Variants in DOCK1 observed in about 807,000 individuals in gnomAD.
DOCK1 encodes the protein dedicator of cytokinesis protein 1.
In DOCK1, 138 loss-of-function variants were observed where a neutral mutation model predicts 262.7. The observed-to-expected ratio is 0.53, with a 90% CI of 0.46 to 0.61. The LOEUF is 0.61. Among genes scored for constraint, DOCK1 ranks in the 20% least tolerant of loss-of-function variants. The probability of loss-of-function intolerance (pLI) is 0.00; values close to 1 mark genes in which losing one functional copy is unlikely to be tolerated. For synonymous variants in DOCK1, 866 were observed against 867.4 expected, an observed-to-expected ratio of 1.00 and a Z score of 0.03; for missense variants, 1,908 against 2,370.7, an observed-to-expected ratio of 0.80 and a Z score of 4.05.
At chr10:127,419,855 C>A in intron 46 of DOCK1, 106 bp downstream of exon 46, 1 of 1,191,152 alleles carries the variant, frequency 8.4e-7, no homozygotes, top group South Asian at 1.4e-5. Context: ...GGCTGCAGTC[C>A]TGATGCACGT....
At chr10:127,204,880 T>A (rs888939773) in intron 27 of DOCK1, among the ~76,000 whole-genome samples, 1 of 152,116 alleles carries the variant, frequency 6.6e-6, no homozygotes, top group Non-Finnish European at 1.5e-5. Flanking sequence ...GCACATGACT[T>A]GCTATCCTAT....
At chr10:127,310,032 C>T (rs1187003647) in intron 29 of DOCK1, among the ~76,000 whole-genome samples, 1 of 152,124 alleles carries the variant, frequency 6.6e-6, no homozygotes, top group Non-Finnish European at 1.5e-5. Context: ...CGTGCCACCA[C>T]ACCCAGCAAT....
chr10:127,397,078 C>A (rs113122776), intron 38 of DOCK1, among the ~76,000 whole-genome samples: 1 of 97,862 alleles, frequency 1.0e-5, no homozygotes, highest in East Asian at 2.6e-4. Flanking sequence ...ACACGGGCAG[C>A]GACTCCTATG....
intron 10 of DOCK1, among the ~76,000 whole-genome samples, chr10:127,005,333 GAAAAA>G (rs150192399): frequency 6.9e-6 from 1 of 144,962 alleles, no homozygotes; most frequent in Non-Finnish European, 1.5e-5. Context: ...CACTCAAAAA[GAAAAA>G]AAAAAGGGAT....
chr10:127,283,279 G>C (rs561190698), intron 29 of DOCK1, among the ~76,000 whole-genome samples: 2 of 152,356 alleles, frequency 1.3e-5, no homozygotes, highest in Non-Finnish European at 2.9e-5. Context: ...GGAAGTAGCA[G>C]GTCAGAAATG....
chr10:126,920,605 C>G (rs1407949452), intron 1 of DOCK1, among the ~76,000 whole-genome samples: 5 of 152,164 alleles, frequency 3.3e-5, no homozygotes, highest in African/African-American at 1.2e-4. Flanking sequence ...CATTAAACAG[C>G]TAAAAGGAAT....
chr10:127,351,290 C>T (rs2063868189), intron 31 of DOCK1, among the ~76,000 whole-genome samples: 1 of 152,152 alleles, frequency 6.6e-6, no homozygotes, highest in Non-Finnish European at 1.5e-5. Context: ...CACGGTGACC[C>T]CAGCTCTAGG....
chr10:127,317,362 C>T (rs1037431152), intron 29 of DOCK1, among the ~76,000 whole-genome samples: 1 of 152,146 alleles, frequency 6.6e-6, no homozygotes, highest in African/African-American at 2.4e-5. Flanking sequence ...TATGGCATAA[C>T]ACAGAATTCT....
At position 127,089,531 on chromosome 10, in the gene DOCK1, C is replaced by T. The variant is rs528686949; in HGVS notation, c.2446-16700C>T. Among the ~76,000 whole-genome samples, 17 of 152,302 alleles carry T rather than the reference C, an allele frequency of 1.1e-4. No homozygotes were observed. In the South Asian group the frequency reaches 1.2e-3, roughly 11 times the overall value. On this transcript the variant is annotated intron_variant, in intron 23 of 51. Transcript: ENST00000623213. ...CCTTCTCCTGGGGACCTCAGGAAAA[C>T]GGAGGATTCTGACCCCCACACCTAA...
rs1376866886 is a variant in DOCK1, at chr10:127,343,752, T to G, written c.3224+6T>G. 1 of 1,596,552 alleles carries G rather than the reference T, an allele frequency of 6.3e-7. No homozygotes were observed. The highest frequency in any genetic ancestry group is 1.1e-5 in the South Asian group (1 of 87,572). On this transcript the variant is annotated splice_donor_region_variant and intron_variant, in intron 31 of 51. Transcript: ENST00000623213. Reference sequence around the variant, plus strand: ...AGAGCCAAAATCCTTAACAAGTAAGTTCTCATCTAGCTCTGAAACTGCAGG... The same window carrying G: ...AGAGCCAAAATCCTTAACAAGTAAGGTCTCATCTAGCTCTGAAACTGCAGG...
At chr10:126,959,625 A>C (rs922931376) in intron 1 of DOCK1, among the ~76,000 whole-genome samples, 17 of 152,300 alleles carry the variant, frequency 1.1e-4, no homozygotes, top group African/African-American at 4.1e-4. Flanking sequence ...TGACCTCCTC[A>C]GTCTTTGCTG....
chr10:126,973,750 A>G (rs2038293535), intron 2 of DOCK1, among the ~76,000 whole-genome samples: 1 of 152,168 alleles, frequency 6.6e-6, no homozygotes. Flanking sequence ...ATGTACTTCC[A>G]TTTGTTTTCC....
At chr10:127,438,007 A>G (rs1262924529) in intron 48 of DOCK1, among the ~76,000 whole-genome samples, 1 of 152,210 alleles carries the variant, frequency 6.6e-6, no homozygotes, top group Non-Finnish European at 1.5e-5. Context: ...CTGTATTTTG[A>G]AAATGTAAGA....
intron 27 of DOCK1, among the ~76,000 whole-genome samples, chr10:127,160,246 C>T (rs1276335118): frequency 6.6e-6 from 1 of 152,052 alleles, no homozygotes; most frequent in Non-Finnish European, 1.5e-5. Context: ...TTTTACAGTA[C>T]CTAATAGTAA....
At chr10:127,435,581 C>T (rs1173061940) in intron 48 of DOCK1, among the ~76,000 whole-genome samples, 3 of 152,166 alleles carry the variant, frequency 2.0e-5, no homozygotes, top group Admixed American at 6.5e-5. Context: ...AACTTCTCCC[C>T]GAGAAAATCC....
intron 23 of DOCK1, among the ~76,000 whole-genome samples, chr10:127,084,347 C>T (rs1036721968): frequency 3.9e-5 from 6 of 152,354 alleles, no homozygotes; most frequent in Admixed American, 1.3e-4. Context: ...GACCCTCTCT[C>T]ACCAGCAAGC....
rs555628953 is a variant in DOCK1 at position 126,987,649 on chromosome 10, G to A, written c.324+32G>A. The A allele has an allele frequency of 1.6e-5, 24 of 1,516,168 alleles. No homozygotes were observed. In the South Asian group the frequency reaches 2.7e-4, roughly 17 times the overall value. The allele number at this position is 1,516,168 out of a possible 1,614,324, so 93.9% of individuals were successfully genotyped here. On this transcript the variant is annotated intron_variant, in intron 5 of 51. Coordinates refer to ENST00000623213, the MANE Select transcript of DOCK1 (RefSeq NM_001290223.2). ...AAATGAGATATTCATTCAAAGCTTAGAAATAGAGAGTGGGCTTTTTTGACC... is the reference window on the plus strand; with the variant it reads ...AAATGAGATATTCATTCAAAGCTTAAAAATAGAGAGTGGGCTTTTTTGACC...
At chr10:127,398,985 A>C (rs773245453) in intron 38 of DOCK1, among the ~76,000 whole-genome samples, 39 of 152,336 alleles carry the variant, frequency 2.6e-4, no homozygotes, top group South Asian at 6.2e-4. Flanking sequence ...TTTTTATTCA[A>C]GTTTCTATTC....
At chr10:127,108,415 A>G (rs1021975351) in intron 24 of DOCK1, among the ~76,000 whole-genome samples, 1 of 152,108 alleles carries the variant, frequency 6.6e-6, no homozygotes, top group African/African-American at 2.4e-5. Flanking sequence ...GTGAAACTCC[A>G]TCTCCACTAA....
Sources: allele counts gnomAD v4.1 joint callset (sites outside exome capture counted in the v4.1 genomes callset), GRCh38; gene constraint gnomAD v4.1.1; transcripts MANE v1.5; gene names NCBI Gene and HGNC (gene_info 2026-07-23, HGNC 2026-07-21).